SLC25A14: variants seen among roughly 807,000 people sequenced by gnomAD.
SLC25A14 encodes the protein solute carrier family 25 member 14.
SLC25A14 carries 8 observed loss-of-function variants against 28.1 expected under a neutral mutation model. The ratio of observed to expected loss-of-function variants is 0.28; its 90% CI spans 0.17 to 0.51. The LOEUF is 0.51. Ranked by LOEUF, SLC25A14 falls within the 20% of genes least tolerant of loss-of-function variation. The pLI is 0.97. For synonymous variants in SLC25A14, 74 were observed against 90.6 expected, an observed-to-expected ratio of 0.82 and a Z score of 1.04; for missense variants, 135 against 263.8, an observed-to-expected ratio of 0.51 and a Z score of 3.38.
intron 6 of SLC25A14, among the ~76,000 whole-genome samples, chrX:130,352,155 G>A (rs1313467713): frequency 9.0e-6 from 1 of 111,730 alleles, no homozygotes; most frequent in African/African-American, 3.3e-5. Flanking sequence ...ACTTATAAGT[G>A]AGAACATGCT....
chrX:130,353,304 C>T (rs557298266), intron 6 of SLC25A14, among the ~76,000 whole-genome samples: 8 of 111,946 alleles, frequency 7.1e-5, no homozygotes, highest in Admixed American at 5.7e-4. Context: ...CTCTCAATTT[C>T]GTGTCCTTTC....
Position 130,371,732 on chromosome X carries a change from T to C in SLC25A14, c.936+88T>C. 6.2e-6 allele frequency: 4 copies of C among 642,258 alleles called. No individual in the cohort carries two copies. The South Asian group carries it at 1.0e-4, about 17-fold the overall frequency. 52.9% of individuals were successfully genotyped at this position (642,258 alleles called of 1,213,427 possible). A position where few individuals can be genotyped will look rare whatever the true frequency, so the allele number is the denominator to read the frequency against. Reference sequence around the variant, plus strand: ...GGAAAATTTGATTATTAAAGCCTTTTAGGCTAGTGAGAAACTCAAGCATCC... The same window carrying C: ...GGAAAATTTGATTATTAAAGCCTTTCAGGCTAGTGAGAAACTCAAGCATCC... On this transcript the variant is annotated intron_variant, in intron 10 of 10. Transcript: ENST00000545805.
chrX:130,358,716 G>T lies in SLC25A14; in HGVS notation c.575G>T (p.Gly192Val). ...TTTATCGATATATACCAACAAGAAG[G>T]CACCAGGGGTCTGTGGAGGGTAAGT... ...GSFIDIYQQE[G>V]TRGLWRGVVP... Residue 192 changes from glycine to valine, a missense_variant, in exon 7 of 11, where the codon GGC (glycine) becomes GTC (valine). Physicochemically the swap from Gly to Val is moderately radical, Grantham distance 109. Transcript: ENST00000545805. 8.4e-7 allele frequency: 1 copy of T among 1,186,951 alleles called. No individual in the cohort carries two copies. The highest frequency in any genetic ancestry group is 1.1e-6 in the Non-Finnish European group (1 of 873,803).
intron 9 of SLC25A14, among the ~76,000 whole-genome samples, chrX:130,367,555 A>G (rs1310007721): frequency 8.9e-6 from 1 of 112,013 alleles, no homozygotes; most frequent in Non-Finnish European, 1.9e-5. Context: ...ATTAGCACAC[A>G]GGTGGTATAT....
Position 130,340,350 on chromosome X carries a change from C to T in SLC25A14, c.72C>T (p.Ser24=). Residue 24 remains serine, a synonymous_variant, in exon 2 of 11, where the codon AGC becomes AGT. Coordinates refer to ENST00000545805, the MANE Select transcript of SLC25A14 (RefSeq NM_001282195.2). The stretch of plus-strand genomic sequence containing the variant: ...TTGCAACGGCGGCCGTGATTGTAAG[C>T]GGAGTAAGCAAACACCTCCATTGTA... ...VKFATAAVIV[S]GHQKSTTVSH... 5.8e-6 allele frequency: 7 copies of T among 1,211,056 alleles called. No homozygotes were observed. Among genetic ancestry groups the T allele is most frequent in the Non-Finnish European group, 6.7e-6 (6 of 894,930 alleles).
intron 4 of SLC25A14, among the ~76,000 whole-genome samples, chrX:130,347,270 A>T (rs2033471676): frequency 9.0e-6 from 1 of 111,399 alleles, no homozygotes; most frequent in Admixed American, 9.5e-5. Context: ...TTACATCGTT[A>T]AACTATGTTA....
At chrX:130,354,729 T>A (rs780742860) in intron 6 of SLC25A14, among the ~76,000 whole-genome samples, 6 of 112,160 alleles carry the variant, frequency 5.3e-5, no homozygotes, top group South Asian at 7.4e-4. Flanking sequence ...CCCATTTTTT[T>A]ATTTATTGTC....
chrX:130,348,831 A>G (rs1603257611), intron 4 of SLC25A14, among the ~76,000 whole-genome samples: 1 of 80,718 alleles, frequency 1.2e-5, no homozygotes, highest in Non-Finnish European at 2.2e-5. Context: ...CATGCTGTAA[A>G]TTTCCCTCAG....
At chrX:130,359,329 G>A (rs1416470045) in intron 7 of SLC25A14, among the ~76,000 whole-genome samples, 1 of 94,638 alleles carries the variant, frequency 1.1e-5, no homozygotes, top group Non-Finnish European at 2.1e-5. Context: ...CTCCAGCCTA[G>A]GTGACAGGGC....
Position 130,349,263 on chromosome X carries a change from G to A in SLC25A14, c.330G>A (p.Ala110=), listed in dbSNP as rs779117182. 2.6e-5 allele frequency: 31 copies of A among 1,176,326 alleles called. No homozygotes were observed. Among genetic ancestry groups the A allele is most frequent in the Middle Eastern group, 4.8e-4 (2 of 4,137 alleles). The part of the protein sequence containing the change: ...VLALYSGIAP[A]LLRQASYGTI... Reference sequence around the variant, plus strand: ...TTTTTTTTTTCAGAATTGCTCCTGCGTTGCTAAGACAAGCATCATATGGCA... The same window carrying A: ...TTTTTTTTTTCAGAATTGCTCCTGCATTGCTAAGACAAGCATCATATGGCA... The change falls in exon 5 of 11, where the codon GCG becomes GCA. Residue 110 remains alanine, a synonymous_variant. Coordinates refer to ENST00000545805, the MANE Select transcript of SLC25A14 (RefSeq NM_001282195.2).
intron 4 of SLC25A14, among the ~76,000 whole-genome samples, chrX:130,347,968 G>GCTGA (rs3084880): frequency 0.43 from 47,647 of 109,821 alleles, 7,572 homozygotes; most frequent in African/African-American, 0.47. Context: ...ATTATCTGGG[G>GCTGA]CTATTTCTTT....
At chrX:130,371,433 G>T in intron 9 of SLC25A14, 131 bp from the exon 10 acceptor site, 1 of 465,982 alleles carries the variant, frequency 2.1e-6, no homozygotes, top group South Asian at 3.6e-5. Context: ...GACTACAGAT[G>T]AATTTAAAAT....
intron 6 of SLC25A14, among the ~76,000 whole-genome samples, chrX:130,357,760 T>C (rs1234945322): frequency 1.8e-5 from 2 of 111,788 alleles, no homozygotes; most frequent in Non-Finnish European, 3.8e-5. Context: ...ACTACTAGGA[T>C]TGTATGTGTG....
chrX:130,367,556 G>T (rs1350271676), intron 9 of SLC25A14, among the ~76,000 whole-genome samples: 1 of 111,924 alleles, frequency 8.9e-6, no homozygotes, highest in Non-Finnish European at 1.9e-5. Context: ...TTAGCACACA[G>T]GTGGTATATA....
chrX:130,372,251 G>T (rs913201547), intron 10 of SLC25A14, among the ~76,000 whole-genome samples: 1 of 111,167 alleles, frequency 9.0e-6, no homozygotes, highest in African/African-American at 3.3e-5. Context: ...GAATCACTCT[G>T]ATCATCTAAT....
rs138933498 is a variant in SLC25A14, at chrX:130,357,849, C to T, written c.499-791C>T. ...TTTCCTTCTTGCAGCTCTCAAAGGCCACTTGGCAGAATATAATATTATGCT... is the reference window on the plus strand; with the variant it reads ...TTTCCTTCTTGCAGCTCTCAAAGGCTACTTGGCAGAATATAATATTATGCT... On this transcript the variant is annotated intron_variant, in intron 6 of 10. Coordinates refer to ENST00000545805, the MANE Select transcript of SLC25A14 (RefSeq NM_001282195.2). 8.2e-3 allele frequency among the ~76,000 whole-genome samples: 921 copies of T among 111,979 alleles called. 4 individuals are homozygous for T. Among genetic ancestry groups the T allele is most frequent in the Non-Finnish European group, 0.014 (720 of 53,187 alleles).
chrX:130,370,732 G>C (rs1227945739), intron 9 of SLC25A14, among the ~76,000 whole-genome samples: 2 of 111,726 alleles, frequency 1.8e-5, no homozygotes, highest in African/African-American at 6.5e-5. Flanking sequence ...TTCTCTTTGT[G>C]GCACTTATTT....
intron 6 of SLC25A14, among the ~76,000 whole-genome samples, chrX:130,356,316 T>G (rs1257593136): frequency 9.9e-6 from 1 of 101,131 alleles, no homozygotes; most frequent in African/African-American, 3.7e-5. Context: ...AACCTCCACT[T>G]CCTGGGTTCA....
intron 6 of SLC25A14, among the ~76,000 whole-genome samples, chrX:130,358,022 C>CTT (rs1399175520): frequency 8.9e-6 from 1 of 112,023 alleles, no homozygotes; most frequent in Non-Finnish European, 1.9e-5. Flanking sequence ...AAAATGCTTA[C>CTT]TTGTAGCCTC....
Sources: gnomAD v4.1 joint callset for allele counts (sites outside exome capture counted in the v4.1 genomes callset) on GRCh38, gnomAD v4.1.1 for gene constraint, MANE v1.5 for transcripts, NCBI Gene and HGNC (gene_info 2026-07-23, HGNC 2026-07-21) for gene names.